The following ZRANB2 variants were observed in gnomAD, a reference collection of about 807,000 sequenced individuals.
The protein encoded by ZRANB2 is zinc finger RANBP2-type containing 2.
ZRANB2 carries 19 observed loss-of-function variants against 53.4 expected under a neutral mutation model. The ratio of observed to expected loss-of-function variants is 0.36; its 90% confidence interval spans 0.25 to 0.52. The LOEUF (loss-of-function observed/expected upper bound fraction) is 0.52, where lower values mean the gene tolerates loss of function less well. ZRANB2 is among the 20% of genes least tolerant of loss of function. The pLI, the probability that ZRANB2 is intolerant of heterozygous loss-of-function variation, is 0.93. For synonymous variants in ZRANB2, 145 were observed against 134.8 expected (o/e 1.08, Z -0.52); for missense variants, 309 against 401.1 (o/e 0.77, Z 1.96).
In ZRANB2 at chr1:71,072,271, T is replaced by G. The variant is rs1240945461; in HGVS notation, c.379-16A>C. On this transcript the variant is annotated splice_polypyrimidine_tract_variant and intron_variant, in intron 5 of 9. Coordinates refer to ENST00000370920, the MANE Select transcript of ZRANB2 (RefSeq NM_203350.3). Reference sequence around the variant, plus strand: ...TACGTCCAAACTAGAGAAAAACAATTTCAAAATGCTTGTCAGCTGATAATG... The same window carrying G: ...TACGTCCAAACTAGAGAAAAACAATGTCAAAATGCTTGTCAGCTGATAATG... 3 of 1,600,312 alleles carry G rather than the reference T, an allele frequency of 1.9e-6. No homozygotes were observed. The highest frequency in any genetic ancestry group is 2.6e-6 in the Non-Finnish European group (3 of 1,176,022).
intron 9 of ZRANB2, 117 bp from the exon 10 acceptor site, chr1:71,065,254 T>TA (rs1661397639): frequency 2.7e-6 from 2 of 748,682 alleles, no homozygotes; most frequent in Non-Finnish European, 4.2e-6. Flanking sequence ...GCAAAAAAAT[T>TA]AAAAATTGAG....
chr1:71,078,961 T>C (rs1661772141), intron 1 of ZRANB2, among the ~76,000 whole-genome samples: 1 of 152,200 alleles, frequency 6.6e-6, no homozygotes, highest in South Asian at 2.1e-4. Context: ...TTAGGATCTC[T>C]GCCTCAAGTC....
At chr1:71,069,455 T>C in intron 7 of ZRANB2, 93 bp from the exon 8 acceptor site, 1 of 834,526 alleles carries the variant, frequency 1.2e-6, no homozygotes. Context: ...TTAGAGTTCA[T>C]TTTCATATAA....
intron 6 of ZRANB2, 31 bp downstream of exon 6, chr1:71,072,090 A>C: frequency 3.8e-6 from 6 of 1,597,146 alleles, no homozygotes; most frequent in Non-Finnish European, 5.1e-6. Flanking sequence ...CCAATAAGAC[A>C]AAAGGGAAAT....
Position 71,078,645 on chromosome 1 carries a change from TA to T in ZRANB2, c.109+10del. On this transcript the variant is annotated intron_variant, in intron 2 of 9. Transcript: ENST00000370920. ...TATACAGTATAAATAGAATCTTCTT[TA>T]AATACTTACCCCGACCACATCGATT... The T allele has an allele frequency of 6.2e-7, 1 of 1,612,112 alleles. No individual in the cohort carries two copies. Among genetic ancestry groups the T allele is most frequent in the Non-Finnish European group, 8.5e-7 (1 of 1,178,566 alleles).
chr1:71,068,222 T>C (rs1311032096), intron 8 of ZRANB2, among the ~76,000 whole-genome samples: 1 of 152,190 alleles, frequency 6.6e-6, no homozygotes. Context: ...CTTTTCTCCT[T>C]AACATGATTA....
intron 7 of ZRANB2, among the ~76,000 whole-genome samples, chr1:71,069,886 T>C (rs1457435621): frequency 6.6e-6 from 1 of 152,142 alleles, no homozygotes; most frequent in Non-Finnish European, 1.5e-5. Context: ...AATTATATTA[T>C]TGGAAAATAT....
chr1:71,065,809 A>G (rs1011973234), intron 9 of ZRANB2: 5 of 1,598,742 alleles, frequency 3.1e-6, no homozygotes, highest in East Asian at 4.5e-5. Flanking sequence ...TAGGGGGATT[A>G]TATGTGGCTA....
intron 8 of ZRANB2, chr1:71,067,684 C>A (rs761777698): frequency 7.0e-5 from 30 of 430,022 alleles, no homozygotes; most frequent in Admixed American, 3.6e-4. Flanking sequence ...ACCAGAAAGC[C>A]CAAAAGGAGA....
At chr1:71,080,861 A>T in intron 1 of ZRANB2, 79 bp downstream of exon 1, 1 of 1,556,790 alleles carries the variant, frequency 6.4e-7, no homozygotes, top group Non-Finnish European at 8.9e-7. Flanking sequence ...AAAATCATAA[A>T]AAAGGAAAAT....
At chr1:71,065,688 T>G (rs771613490) in intron 9 of ZRANB2, 2 of 1,611,314 alleles carry the variant, frequency 1.2e-6, no homozygotes, top group South Asian at 2.2e-5. Context: ...CTGGGTAAAG[T>G]AGTGGTGTTC....
chr1:71,071,795 C>T (rs1201127105), intron 6 of ZRANB2, among the ~76,000 whole-genome samples: 1 of 152,148 alleles, frequency 6.6e-6, no homozygotes, highest in Non-Finnish European at 1.5e-5. Flanking sequence ...AGACATTATC[C>T]ATCGGCAAAA....
At chr1:71,077,167 AT>A (rs1225650654) in intron 3 of ZRANB2, among the ~76,000 whole-genome samples, 1 of 152,154 alleles carries the variant, frequency 6.6e-6, no homozygotes, top group Non-Finnish European at 1.5e-5. Context: ...AGTATCACTA[AT>A]CCACAAATCC....
chr1:71,068,821 C>G (rs892037477), intron 8 of ZRANB2, among the ~76,000 whole-genome samples: 2 of 150,346 alleles, frequency 1.3e-5, no homozygotes, highest in Non-Finnish European at 3.0e-5. Context: ...TGAGACACTC[C>G]TCTGTCACCC....
intron 6 of ZRANB2, among the ~76,000 whole-genome samples, 192 bp from the exon 7 acceptor site, chr1:71,071,188 GCA>G (rs554816184): frequency 2.1e-4 from 32 of 152,082 alleles, no homozygotes; most frequent in Non-Finnish European, 5.9e-5. Context: ...CTCAGGTATT[GCA>G]CAGACATAAA....
rs764972671 is a variant in ZRANB2 at position 71,069,300 on chromosome 1, G to C, written c.746C>G (p.Ser249Trp). 11 of 1,612,058 alleles carry C rather than the reference G, an allele frequency of 6.8e-6. No individual in the cohort carries two copies. The highest frequency in any genetic ancestry group is 9.3e-6 in the Non-Finnish European group (11 of 1,178,986). The change falls in exon 8 of 10, where the codon TCG becomes TGG. Residue 249 changes from serine (S) to tryptophan (W), a missense_variant. Coordinates refer to ENST00000370920, the MANE Select transcript of ZRANB2 (RefSeq NM_203350.3). ...CCTTGATTTCGACCCACGAGATCTC[G>C]AACGTTCTCTGGAACTGGAACGAGA... ...SRSRSSSRER[S>W]RSRGSKSRSS...
intron 5 of ZRANB2, 72 bp from the exon 6 acceptor site, chr1:71,072,327 A>G (rs1407845836): frequency 7.5e-6 from 11 of 1,458,446 alleles, no homozygotes; most frequent in Non-Finnish European, 8.4e-6. Context: ...CTAAAAAATT[A>G]TTTTAGATAT....
In ZRANB2 at chr1:71,069,315, C is replaced by T. The variant is rs745937681; in HGVS notation, c.731G>A (p.Ser244Asn). ...ACGAGATCTCGAACGTTCTCTGGAA[C>T]TGGAACGAGATCTTGACTGCGAACT... is the stretch of plus-strand genomic sequence containing the variant. ...SSSSQSRSRS[S>N]SRERSRSRGS... Residue 244 changes from serine to asparagine, a missense_variant, in exon 8 of 10, where the codon AGT becomes AAT. Physicochemically the swap from Ser to Asn is conservative, Grantham distance 46. Coordinates refer to ENST00000370920, the MANE Select transcript of ZRANB2 (RefSeq NM_203350.3). 2.6e-5 allele frequency: 42 copies of T among 1,612,692 alleles called. No individual in the cohort carries two copies. Among genetic ancestry groups the T allele is most frequent in the Non-Finnish European group, 3.3e-5 (39 of 1,179,350 alleles).
In ZRANB2 at chr1:71,070,868, T is replaced by C; in HGVS notation, c.642A>G (p.Ser214=). The C allele has an allele frequency of 6.2e-7, 1 of 1,608,864 alleles. No homozygotes were observed. The highest frequency in any genetic ancestry group is 8.5e-7 in the Non-Finnish European group (1 of 1,177,226). The part of the protein sequence containing the change: ...SKSRSSHSRS[S]SRSSSPSSSR... Reference sequence around the variant, plus strand: ...AACTTGAGGGGGAGGATGAGCGTGATGAAGATCGTGAATGTGAAGATCGAG... The same window carrying C: ...AACTTGAGGGGGAGGATGAGCGTGACGAAGATCGTGAATGTGAAGATCGAG... The change falls in exon 7 of 10, where the codon TCA becomes TCG. Residue 214 remains serine, a synonymous_variant. Transcript: ENST00000370920.
Sources: gnomAD v4.1 joint callset for allele counts (sites outside exome capture counted in the v4.1 genomes callset) on GRCh38, gnomAD v4.1.1 for gene constraint, MANE v1.5 for transcripts, NCBI Gene and HGNC (gene_info 2026-07-23, HGNC 2026-07-21) for gene names.